LRRC18: variants seen among roughly 807,000 people sequenced by gnomAD.
LRRC18 encodes leucine rich repeat containing 18, also known as leucine-rich repeat-containing protein 18.
LRRC18 carries 12 observed loss-of-function variants against 11.2 expected under a neutral mutation model. The ratio of observed to expected loss-of-function variants is 1.07; its 90% CI spans 0.69 to 1.74. The LOEUF is 1.74. LRRC18 is among the 40% of genes most tolerant of loss of function. LRRC18 has a pLI of 0.00. For synonymous variants in LRRC18, 155 were observed against 130.6 expected (o/e 1.19, Z -1.27); for missense variants, 374 against 330.5 (o/e 1.13, Z -1.02).
At chr10:48,920,855 T>C in the LRRC18 span, among the ~76,000 whole-genome samples, 2 of 152,230 alleles carry the variant, frequency 1.3e-5, no homozygotes, top group African/African-American at 4.8e-5. Flanking sequence ...TGCATTTCCA[T>C]ATTACTAGCT....
At chr10:48,938,103 T>C in the LRRC18 span, among the ~76,000 whole-genome samples, 1 of 152,248 alleles carries the variant, frequency 6.6e-6, no homozygotes, top group East Asian at 1.9e-4. Context: ...CATTGTGGCT[T>C]GCGTATGCCT....
chr10:48,934,569 A>C, the LRRC18 span, among the ~76,000 whole-genome samples: 30 of 152,322 alleles, frequency 2.0e-4, no homozygotes, highest in Non-Finnish European at 3.5e-4. Flanking sequence ...GCAAAGCCCA[A>C]CTTAGCCTAG....
chr10:48,930,921 G>C, the LRRC18 span, among the ~76,000 whole-genome samples: 1 of 152,170 alleles, frequency 6.6e-6, no homozygotes, highest in Non-Finnish European at 1.5e-5. Flanking sequence ...GAAAAGAGGA[G>C]AGAAAGAACG....
the LRRC18 span, among the ~76,000 whole-genome samples, chr10:48,937,549 A>G: frequency 3.3e-5 from 5 of 152,150 alleles, no homozygotes; most frequent in Non-Finnish European, 5.9e-5. Context: ...CCATATCTTC[A>G]TCTGTTAATG....
chr10:48,916,541 C>T (rs981772047), upstream of LRRC18, among the ~76,000 whole-genome samples: 1 of 152,186 alleles, frequency 6.6e-6, no homozygotes, highest in Non-Finnish European at 1.5e-5. Context: ...CTCTACCCTA[C>T]TGCCACTTGG....
At chr10:48,916,871 ATGTGTGTGTGTG>A (rs55891907), upstream of LRRC18, among the ~76,000 whole-genome samples, 1,249 of 149,384 alleles carry the variant, frequency 8.4e-3, 11 homozygotes, top group African/African-American at 0.017. Flanking sequence ...CTTTAAAAAT[ATGTGTGTGTGTG>A]TGTGTGTGTG....
intron 1 of LRRC18, chr10:48,910,928 T>C: frequency 1.0e-6 from 1 of 984,632 alleles, no homozygotes; most frequent in Non-Finnish European, 1.2e-6. Flanking sequence ...TCTCCTTTGC[T>C]GAACCTTTTG....
At chr10:48,918,497 A>C (rs530876275), upstream of LRRC18, among the ~76,000 whole-genome samples, 2 of 152,240 alleles carry the variant, frequency 1.3e-5, no homozygotes, top group African/African-American at 2.4e-5. Flanking sequence ...ACTTATTAAT[A>C]AAATGATCAT....
the LRRC18 span, among the ~76,000 whole-genome samples, chr10:48,923,506 A>ATG: frequency 8.7e-6 from 1 of 115,116 alleles, no homozygotes; most frequent in African/African-American, 2.7e-5. Flanking sequence ...GTATATATAT[A>ATG]TATATATGTC....
chr10:48,909,634 AGAGAG>A, exon 2 of LRRC18: 1 of 152,404 alleles, frequency 6.6e-6, no homozygotes, highest in Admixed American at 6.5e-5. Flanking sequence ...AGGAAGAGAG[AGAGAG>A]GAGAGGGAGG....
At chr10:48,913,738 G>C in exon 1 of LRRC18, 2 of 1,613,512 alleles carry the variant, frequency 1.2e-6, no homozygotes, top group Non-Finnish European at 1.7e-6. Context: ...AGGGCCCCCA[G>C]TGTGGTGGGC....
At chr10:48,925,302 C>T in the LRRC18 span, among the ~76,000 whole-genome samples, 1 of 152,122 alleles carries the variant, frequency 6.6e-6, no homozygotes, top group Non-Finnish European at 1.5e-5. Flanking sequence ...AGAGGCGGGG[C>T]TGTATCTTCA....
At chr10:48,913,183 G>A (rs1838164171) in intron 1 of LRRC18, among the ~76,000 whole-genome samples, 1 of 152,164 alleles carries the variant, frequency 6.6e-6, no homozygotes, top group Non-Finnish European at 1.5e-5. Context: ...GTGTGCAGAG[G>A]ACAGAGAAAT....
At chr10:48,936,687 C>T in the LRRC18 span, among the ~76,000 whole-genome samples, 2 of 151,286 alleles carry the variant, frequency 1.3e-5, no homozygotes, top group East Asian at 2.0e-4. Flanking sequence ...AATACAAAAA[C>T]ATTAGTTGGG....
the LRRC18 span, among the ~76,000 whole-genome samples, chr10:48,934,226 G>A: frequency 6.6e-6 from 1 of 152,218 alleles, no homozygotes; most frequent in East Asian, 1.9e-4. Context: ...ATAAATGTAT[G>A]GAGAATTTAT....
At chr10:48,918,181 G>A (rs2377649), upstream of LRRC18, among the ~76,000 whole-genome samples, 82,680 of 152,036 alleles carry the variant, frequency 0.54, 24,792 homozygotes, top group East Asian at 1. Context: ...GGGAACAGAA[G>A]GAGCAAACAG....
At chr10:48,927,553 T>C in the LRRC18 span, among the ~76,000 whole-genome samples, 2 of 152,322 alleles carry the variant, frequency 1.3e-5, no homozygotes, top group Non-Finnish European at 2.9e-5. Flanking sequence ...AATTATCTGG[T>C]TAATTTGATC....
chr10:48,924,624 T>G, the LRRC18 span, among the ~76,000 whole-genome samples: 96,512 of 152,184 alleles, frequency 0.63, 31,294 homozygotes, highest in East Asian at 1. Context: ...TTGTACAATT[T>G]TTTTTTATAC....
upstream of LRRC18, among the ~76,000 whole-genome samples, chr10:48,918,248 T>A (rs1462522922): frequency 6.6e-6 from 1 of 152,072 alleles, no homozygotes. Context: ...TTACATTAAG[T>A]GAAAGTGACC....
Sources: allele counts gnomAD v4.1 joint callset (sites outside exome capture counted in the v4.1 genomes callset), GRCh38; gene constraint gnomAD v4.1.1; transcripts MANE v1.5; gene names NCBI Gene and HGNC (gene_info 2026-07-23, HGNC 2026-07-21).